The following ROBO1 variants were observed in gnomAD, a reference collection of about 807,000 sequenced individuals.
ROBO1 encodes the protein roundabout guidance receptor 1, also known as roundabout homolog 1.
In ROBO1, 149 loss-of-function variants were observed where a neutral mutation model predicts 195.9. The observed-to-expected ratio is 0.76, with a 90% CI of 0.67 to 0.87. The LOEUF (loss-of-function observed/expected upper bound fraction) is 0.87. ROBO1 is among the 40% of genes least tolerant of loss of function. The pLI is 0.00. For synonymous variants in ROBO1, 816 were observed against 733.2 expected (o/e 1.11, Z -1.82); for missense variants, 1,933 against 2,068.3 (o/e 0.93, Z 1.27).
chr3:79,373,189 A>G (rs1314551751), intron 2 of ROBO1, among the ~76,000 whole-genome samples: 3 of 152,208 alleles, frequency 2.0e-5, no homozygotes, highest in Non-Finnish European at 4.4e-5. Context: ...TCTGTTCCAT[A>G]TTTGTAACTA....
At chr3:79,471,111 A>T (rs1559922866) in intron 2 of ROBO1, among the ~76,000 whole-genome samples, 1 of 152,140 alleles carries the variant, frequency 6.6e-6, no homozygotes, top group Non-Finnish European at 1.5e-5. Flanking sequence ...TAGGCAGAAG[A>T]AGGAAACTGC....
intron 3 of ROBO1, among the ~76,000 whole-genome samples, chr3:79,045,229 C>T (rs2078568067): frequency 6.6e-6 from 1 of 151,882 alleles, no homozygotes; most frequent in Non-Finnish European, 1.5e-5. Flanking sequence ...AAGAGACTAA[C>T]AATGAAACTA....
chr3:78,673,790 G>GA (rs1235039148), intron 10 of ROBO1, among the ~76,000 whole-genome samples: 2 of 150,762 alleles, frequency 1.3e-5, no homozygotes, highest in Non-Finnish European at 3.0e-5. Flanking sequence ...AATTTTAAGA[G>GA]AAAAAGAACA....
intron 1 of ROBO1, among the ~76,000 whole-genome samples, chr3:79,633,075 TAC>T: frequency 6.6e-6 from 1 of 152,092 alleles, no homozygotes. Context: ...GTTATACAAT[TAC>T]ACACACTAGA....
intron 2 of ROBO1, among the ~76,000 whole-genome samples, chr3:79,551,914 T>C (rs986515790): frequency 7.0e-6 from 1 of 142,810 alleles, no homozygotes; most frequent in Non-Finnish European, 1.5e-5. Flanking sequence ...TTTTGCACTT[T>C]AAGGATGACA....
chr3:78,775,173 T>C (rs1346389286), intron 4 of ROBO1, among the ~76,000 whole-genome samples: 1 of 152,176 alleles, frequency 6.6e-6, no homozygotes, highest in Non-Finnish European at 1.5e-5. Flanking sequence ...TCCAGTGAAA[T>C]GCTATCTTCT....
intron 3 of ROBO1, among the ~76,000 whole-genome samples, chr3:79,094,526 A>C (rs2079532296): frequency 6.6e-6 from 1 of 152,188 alleles, no homozygotes; most frequent in African/African-American, 2.4e-5. Flanking sequence ...AATTTGAATT[A>C]TCAAGCTTCA....
chr3:78,938,843 G>T lies in ROBO1; in HGVS notation c.257C>A (p.Thr86Asn). Residue 86 changes from threonine to asparagine, a missense_variant, in exon 4 of 31, where the codon ACT (threonine) becomes AAT (asparagine). This residue lies in a region of ROBO1 where 185 missense variants were observed against 159.5 expected (regional missense o/e 1.16). Transcript: ENST00000464233. ...GCGGCCTTCAGCTTTGCAGTTCAAAGTTGCAGGTTCTCCTTTTGAGACAAT... is the reference window on the plus strand; with the variant it reads ...GCGGCCTTCAGCTTTGCAGTTCAAATTTGCAGGTTCTCCTTTTGAGACAAT... ...DLIVSKGEPATLNCKAEGRPT... is the reference protein window; with the variant it reads ...DLIVSKGEPANLNCKAEGRPT... The T allele has an allele frequency of 6.2e-7, 1 of 1,613,998 alleles. No individual in the cohort carries two copies. The highest frequency in any genetic ancestry group is 8.5e-7 in the Non-Finnish European group (1 of 1,179,898).
At chr3:78,728,533 G>T (rs1267243244) in intron 5 of ROBO1, among the ~76,000 whole-genome samples, 1 of 151,178 alleles carries the variant, frequency 6.6e-6, no homozygotes. Flanking sequence ...TTATTCACTA[G>T]TCTATTCTCA....
chr3:79,010,668 A>C (rs1406038265), intron 3 of ROBO1, among the ~76,000 whole-genome samples: 1 of 152,152 alleles, frequency 6.6e-6, no homozygotes, highest in African/African-American at 2.4e-5. Flanking sequence ...AAAAGCAATG[A>C]GCTCTTAAGA....
intron 3 of ROBO1, among the ~76,000 whole-genome samples, chr3:79,114,018 G>T (rs1328183400): frequency 1.3e-5 from 2 of 152,186 alleles, no homozygotes. Context: ...TCTCATGGTA[G>T]TGACTAAGTC....
chr3:79,347,017 AAAAAT>A (rs1377897855), intron 2 of ROBO1, among the ~76,000 whole-genome samples: 1 of 152,070 alleles, frequency 6.6e-6, no homozygotes, highest in Non-Finnish European at 1.5e-5. Flanking sequence ...GATAAGTAAA[AAAAAT>A]AGGTTTTACA....
At chr3:79,663,448 C>T (rs1399862404) in intron 1 of ROBO1, among the ~76,000 whole-genome samples, 1 of 151,978 alleles carries the variant, frequency 6.6e-6, no homozygotes, top group African/African-American at 2.4e-5. Flanking sequence ...GGTAATTCCT[C>T]TCATTCTCTT....
chr3:79,501,745 G>C (rs533932073), intron 2 of ROBO1, among the ~76,000 whole-genome samples: 1 of 152,076 alleles, frequency 6.6e-6, no homozygotes, highest in East Asian at 1.9e-4. Context: ...TCCACAAAAG[G>C]CTTTTTTTAA....
intron 4 of ROBO1, among the ~76,000 whole-genome samples, chr3:78,928,770 AGCTATGACAAGT>A (rs1461793090): frequency 1.3e-5 from 2 of 152,224 alleles, no homozygotes; most frequent in African/African-American, 2.4e-5. Context: ...CACTCTCATA[AGCTATGACAAGT>A]GCTGAATTAC....
chr3:79,039,535 C>T (rs986594906), intron 3 of ROBO1, among the ~76,000 whole-genome samples: 1 of 152,044 alleles, frequency 6.6e-6, no homozygotes, highest in Admixed American at 6.5e-5. Context: ...CTGTGGCTCA[C>T]GCCTGTAATC....
chr3:78,916,199 G>T (rs1400603670), intron 4 of ROBO1, among the ~76,000 whole-genome samples: 1 of 141,138 alleles, frequency 7.1e-6, no homozygotes, highest in African/African-American at 2.7e-5. Flanking sequence ...GCAGTGAGCC[G>T]AGATCGCGCC....
Position 79,123,332 on chromosome 3 carries a change from C to T in ROBO1, c.172+2124G>A, listed in dbSNP as rs146724664. On this transcript the variant is annotated intron_variant, in intron 3 of 30. Coordinates refer to ENST00000464233, the MANE Select transcript of ROBO1 (RefSeq NM_002941.4). ...GAATTCATACATTCAGACATTCACA[C>T]ACATGCATGTGCACACAAAAGAAAA... 3.4e-3 allele frequency among the ~76,000 whole-genome samples: 511 copies of T among 152,100 alleles called. 3 individuals carry two copies. Among genetic ancestry groups the T allele is most frequent in the Middle Eastern group, 0.01 (3 of 294 alleles).
chr3:78,980,730 T>C (rs1257003117), intron 3 of ROBO1, among the ~76,000 whole-genome samples: 1 of 152,146 alleles, frequency 6.6e-6, no homozygotes, highest in Non-Finnish European at 1.5e-5. Flanking sequence ...TAGGTCTTTT[T>C]TCCCCCTTGC....
Sources: gnomAD v4.1 joint callset for allele counts (sites outside exome capture counted in the v4.1 genomes callset) on GRCh38, gnomAD v4.1.1 for gene constraint, gnomAD v4.1.1 regional missense constraint, MANE v1.5 for transcripts, NCBI Gene and HGNC (gene_info 2026-07-23, HGNC 2026-07-21) for gene names.